The following MICU2 variants were observed in gnomAD, a reference collection of about 807,000 sequenced individuals.
MICU2 encodes the protein mitochondrial calcium uptake 2.
In MICU2, 64 loss-of-function variants were observed where a neutral mutation model predicts 60.4. That is an observed-to-expected ratio of 1.06 (90% CI 0.87 to 1.31). The LOEUF is 1.31. Ranked by LOEUF, MICU2 falls within the 50% of genes most tolerant of loss-of-function variation. The pLI is 0.00. For missense variants in MICU2, 569 were observed against 531.0 expected, an observed-to-expected ratio of 1.07 and a Z score of -0.70; for synonymous variants, 201 against 175.0, an observed-to-expected ratio of 1.15 and a Z score of -1.17.
intron 4 of MICU2, among the ~76,000 whole-genome samples, chr13:21,538,891 C>G (rs1322888588): frequency 6.6e-6 from 1 of 152,128 alleles, no homozygotes; most frequent in Non-Finnish European, 1.5e-5. Context: ...TTAGCTCACT[C>G]AACTCCCTAC....
At chr13:21,548,921 GTTTTTTTT>G (rs34908034) in intron 2 of MICU2, among the ~76,000 whole-genome samples, 2 of 86,318 alleles carry the variant, frequency 2.3e-5, no homozygotes, top group Non-Finnish European at 4.3e-5. Context: ...AAGTTTGAGA[GTTTTTTTT>G]TTTTTTTTTT....
At chr13:21,601,942 A>G (rs982459482) in intron 1 of MICU2, among the ~76,000 whole-genome samples, 4 of 151,198 alleles carry the variant, frequency 2.6e-5, no homozygotes, top group Non-Finnish European at 5.9e-5. Context: ...CGGCTCTACT[A>G]ACAATACAAA....
intron 2 of MICU2, among the ~76,000 whole-genome samples, chr13:21,541,718 T>C (rs1343040317): frequency 6.6e-6 from 1 of 152,140 alleles, no homozygotes; most frequent in African/African-American, 2.4e-5. Context: ...CTCTTTGAAT[T>C]CCATGACAGT....
rs780974089 is a variant in MICU2 at position 21,493,248 on chromosome 13, A to G, written c.*1T>C. The G allele has an allele frequency of 2.5e-6, 4 of 1,586,258 alleles. No individual in the cohort carries two copies. In the East Asian group the frequency reaches 9.0e-5, roughly 36 times the overall value. ...TAATTGCCATACTATTATATCTTTTATTAAAAAAGACCTTTTCCAGCTTGT... is the reference window on the plus strand; with the variant it reads ...TAATTGCCATACTATTATATCTTTTGTTAAAAAAGACCTTTTCCAGCTTGT... On this transcript the variant is annotated 3_prime_UTR_variant, in exon 12 of 12. Coordinates refer to ENST00000382374, the MANE Select transcript of MICU2 (RefSeq NM_152726.3).
In MICU2 at chr13:21,528,905, CAG is replaced by C. The variant is rs1400641215; in HGVS notation, c.467-6257_467-6256del. Among the ~76,000 whole-genome samples, 8 of 152,002 alleles carry C rather than the reference CAG, an allele frequency of 5.3e-5. No homozygotes were observed. The East Asian group carries it at 1.5e-3, about 29-fold the overall frequency. ...AGAAGGCTGGGAGAAGGTGGTGAGTCAGAGAGTAGAGGGAGAGAGAGAATGGC... is the reference window on the plus strand; with the variant it reads ...AGAAGGCTGGGAGAAGGTGGTGAGTCAGAGTAGAGGGAGAGAGAGAATGGC... On this transcript the variant is annotated intron_variant, in intron 4 of 11. Coordinates refer to ENST00000382374, the MANE Select transcript of MICU2 (RefSeq NM_152726.3).
In MICU2 at chr13:21,588,827, A is replaced by G. The variant is rs147967589; in HGVS notation, c.210+15112T>C. ...TTTCGACTCTCAGGTCTGTTTAGACACAATTAGAATCTCGCGGGGAATACC... is the reference window on the plus strand; with the variant it reads ...TTTCGACTCTCAGGTCTGTTTAGACGCAATTAGAATCTCGCGGGGAATACC... On this transcript the variant is annotated intron_variant, in intron 1 of 11. Coordinates refer to ENST00000382374, the MANE Select transcript of MICU2 (RefSeq NM_152726.3). Among the ~76,000 whole-genome samples the G allele has an allele frequency of 1.2e-3, 188 of 152,370 alleles. 1 individual carries two copies. The highest frequency in any genetic ancestry group is 4.4e-3 in the African/African-American group (185 of 41,588).
chr13:21,598,052 AG>A (rs1489563831), intron 1 of MICU2, among the ~76,000 whole-genome samples: 1 of 152,144 alleles, frequency 6.6e-6, no homozygotes, highest in East Asian at 1.9e-4. Context: ...AACATATCAA[AG>A]AAAATATCAA....
intron 11 of MICU2, among the ~76,000 whole-genome samples, chr13:21,494,755 T>G (rs1007924242): frequency 1.3e-5 from 2 of 152,192 alleles, no homozygotes; most frequent in Non-Finnish European, 2.9e-5. Context: ...CTCAAACTCC[T>G]GGCCTCAAGT....
intron 1 of MICU2, among the ~76,000 whole-genome samples, chr13:21,591,123 T>C (rs1200034): frequency 0.54 from 82,142 of 151,560 alleles, 24,019 homozygotes; most frequent in East Asian, 1. Context: ...CATCGGTGTG[T>C]TGTATTTAGG....
At chr13:21,575,611 C>A (rs1282303796) in intron 1 of MICU2, among the ~76,000 whole-genome samples, 1 of 150,740 alleles carries the variant, frequency 6.6e-6, no homozygotes, top group African/African-American at 2.4e-5. Context: ...GTGGTCCCAG[C>A]TACTTGGGAG....
chr13:21,493,943 G>C (rs1885925910), intron 11 of MICU2, among the ~76,000 whole-genome samples: 1 of 152,132 alleles, frequency 6.6e-6, no homozygotes, highest in Admixed American at 6.5e-5. Context: ...GGGACCACAG[G>C]AGCATAGCAC....
At chr13:21,597,775 C>G (rs941453626) in intron 1 of MICU2, among the ~76,000 whole-genome samples, 2 of 151,406 alleles carry the variant, frequency 1.3e-5, no homozygotes, top group Admixed American at 1.3e-4. Context: ...ACTAAAAATA[C>G]AAAAAATTAG....
intron 9 of MICU2, among the ~76,000 whole-genome samples, chr13:21,500,417 A>ATTTTT (rs10608018): frequency 3.2e-5 from 4 of 124,956 alleles, no homozygotes; most frequent in African/African-American, 1.2e-4. Context: ...ATACCTACTG[A>ATTTTT]TTTTTTTTTT....
At chr13:21,513,694 C>T (rs1175839349) in intron 7 of MICU2, among the ~76,000 whole-genome samples, 3 of 129,632 alleles carry the variant, frequency 2.3e-5, no homozygotes, top group African/African-American at 2.9e-5. Flanking sequence ...GAGCTGAGAT[C>T]GCGCCACTGC....
intron 9 of MICU2, among the ~76,000 whole-genome samples, chr13:21,501,285 CA>C (rs1886144901): frequency 6.7e-6 from 1 of 150,016 alleles, no homozygotes; most frequent in African/African-American, 2.5e-5. Flanking sequence ...TTTTTTGACA[CA>C]GAGTCTTGCT....
At chr13:21,566,698 T>C in intron 2 of MICU2, 99 bp downstream of exon 2, 1 of 993,018 alleles carries the variant, frequency 1.0e-6, no homozygotes, top group Non-Finnish European at 1.5e-6. Context: ...ACAAAGATGA[T>C]AATTAAAATG....
chr13:21,547,930 G>A (rs1477578002), intron 2 of MICU2, among the ~76,000 whole-genome samples: 3 of 152,150 alleles, frequency 2.0e-5, no homozygotes, highest in Non-Finnish European at 4.4e-5. Flanking sequence ...GGAGATATAG[G>A]TATGAAAATC....
intron 1 of MICU2, among the ~76,000 whole-genome samples, chr13:21,581,562 G>T (rs1345988545): frequency 6.6e-6 from 1 of 152,090 alleles, no homozygotes. Context: ...CCTATTCAAA[G>T]ATCAGGAAAA....
chr13:21,552,452 T>C (rs1187018052), intron 2 of MICU2, among the ~76,000 whole-genome samples: 1 of 152,222 alleles, frequency 6.6e-6, no homozygotes, highest in Non-Finnish European at 1.5e-5. Context: ...CATTTGTCAA[T>C]TTTGGCTTCT....
Sources: gnomAD v4.1 joint callset for allele counts (sites outside exome capture counted in the v4.1 genomes callset) on GRCh38, gnomAD v4.1.1 for gene constraint, MANE v1.5 for transcripts, NCBI Gene and HGNC (gene_info 2026-07-23, HGNC 2026-07-21) for gene names.